The following GDPD5 variants were observed in gnomAD, a reference collection of about 807,000 sequenced individuals.
The protein encoded by GDPD5 is glycerophosphodiester phosphodiesterase domain containing 5, also known as glycerophosphodiester phosphodiesterase 2.
Under a neutral mutation model 75.1 loss-of-function variants are expected in GDPD5, and 48 were observed. The observed-to-expected ratio is 0.64, with a 90% CI of 0.51 to 0.81. The LOEUF (loss-of-function observed/expected upper bound fraction) is 0.81. Among genes scored for constraint, GDPD5 ranks in the 40% least tolerant of loss-of-function variants. GDPD5 has a pLI of 0.00. For synonymous variants in GDPD5, 336 were observed against 339.0 expected, an observed-to-expected ratio of 0.99 and a Z score of 0.10; for missense variants, 706 against 822.6, an observed-to-expected ratio of 0.86 and a Z score of 1.73.
chr11:75,441,153 C>G lies in GDPD5; in HGVS notation c.1473+10G>C, dbSNP rs761051692. 2 of 1,613,216 alleles carry G rather than the reference C, an allele frequency of 1.2e-6. No individual in the cohort carries two copies. Among genetic ancestry groups the G allele is most frequent in the Admixed American group, 3.3e-5 (2 of 60,018 alleles). On this transcript the variant is annotated intron_variant, in intron 14 of 16. Coordinates refer to ENST00000336898, the MANE Select transcript of GDPD5 (RefSeq NM_030792.8). Reference sequence around the variant, plus strand: ...ACTGCCCCCCAGGGGCCCTCTGCCCCCCAACTCACCATGATCCAGAGGGGG... The same window carrying G: ...ACTGCCCCCCAGGGGCCCTCTGCCCGCCAACTCACCATGATCCAGAGGGGG...
At chr11:75,436,429 C>T (rs1948626724) in intron 16 of GDPD5, among the ~76,000 whole-genome samples, 1 of 152,146 alleles carries the variant, frequency 6.6e-6, no homozygotes, top group South Asian at 2.1e-4. Context: ...ATCAGGCGCC[C>T]AAAGCCTTCC....
intron 4 of GDPD5, among the ~76,000 whole-genome samples, chr11:75,458,689 TAAATAAATA>T (rs1949346411): frequency 1.3e-5 from 2 of 151,446 alleles, no homozygotes; most frequent in Admixed American, 1.3e-4. Flanking sequence ...AATAAATAAA[TAAATAAATA>T]AAATAAATAA....
At chr11:75,498,157 G>A (rs1305259096) in intron 1 of GDPD5, among the ~76,000 whole-genome samples, 1 of 152,202 alleles carries the variant, frequency 6.6e-6, no homozygotes, top group East Asian at 1.9e-4. Context: ...AACATCTCTT[G>A]TGATGTCACA....
intron 14 of GDPD5, 92 bp from the exon 15 acceptor site, chr11:75,440,053 T>A (rs530506565): frequency 1.1e-6 from 1 of 926,372 alleles, no homozygotes; most frequent in Non-Finnish European, 1.7e-6. Context: ...GGACCCCACA[T>A]GGCCACTGGG....
intron 2 of GDPD5, among the ~76,000 whole-genome samples, chr11:75,487,045 G>A (rs956932266): frequency 2.0e-5 from 3 of 152,182 alleles, no homozygotes; most frequent in Non-Finnish European, 4.4e-5. Flanking sequence ...CAGGGTGAGG[G>A]CTGCAGGTGG....
At position 75,455,385 on chromosome 11, in the gene GDPD5, G is replaced by T. The variant is rs745497069; in HGVS notation, c.375+1372C>A. 7.9e-5 allele frequency: 36 copies of T among 456,530 alleles called. 1 individual carries two copies. The highest frequency in any genetic ancestry group is 3.6e-4 in the African/African-American group (18 of 50,184). 28.3% of individuals were successfully genotyped at this position (456,530 alleles called of 1,614,324 possible). Reference sequence around the variant, plus strand: ...AGTAGAGTGAGGGCAGGAGGAAGGTGGGGGGACCAGGGGCTGCTCACGGCT... The same window carrying T: ...AGTAGAGTGAGGGCAGGAGGAAGGTTGGGGGACCAGGGGCTGCTCACGGCT... On this transcript the variant is annotated intron_variant, in intron 6 of 16. Transcript: ENST00000336898.
In GDPD5 at chr11:75,477,622, T is replaced by C. The variant is rs1949806872; in HGVS notation, c.114A>G (p.Thr38=). The part of the protein sequence containing the change: ...KRYQRSHDDT[T]PWERLWFLLL... Reference sequence around the variant, plus strand: ...ACCCTGTTCCAGGGTGGCTCACCGGTGTGGTATCATCATGGGAGCGCTGGT... The same window carrying C: ...ACCCTGTTCCAGGGTGGCTCACCGGCGTGGTATCATCATGGGAGCGCTGGT... The change falls in exon 3 of 17, where the codon ACA becomes ACG. Residue 38 remains threonine (T), a synonymous_variant. Transcript: ENST00000336898. The C allele has an allele frequency of 6.4e-7, 1 of 1,573,354 alleles. No individual in the cohort carries two copies. Among genetic ancestry groups the C allele is most frequent in the Non-Finnish European group, 8.7e-7 (1 of 1,151,650 alleles).
intron 1 of GDPD5, among the ~76,000 whole-genome samples, chr11:75,502,280 T>C (rs1950316090): frequency 6.6e-6 from 1 of 152,232 alleles, no homozygotes; most frequent in South Asian, 2.1e-4. Context: ...TTCTTCTGTG[T>C]AGAATGCCTT....
chr11:75,457,849 A>T, intron 4 of GDPD5, 63 bp from the exon 5 acceptor site: 1 of 1,332,190 alleles, frequency 7.5e-7, no homozygotes, highest in Non-Finnish European at 1.1e-6. Context: ...CCCAGGAATC[A>T]GGATGGTCTG....
intron 14 of GDPD5, 30 bp downstream of exon 14, chr11:75,441,133 C>T (rs1394184143): frequency 1.1e-5 from 17 of 1,609,478 alleles, no homozygotes; most frequent in Non-Finnish European, 1.4e-5. Flanking sequence ...CCAGCACTGC[C>T]CCCCAGGGGC....
At chr11:75,470,968 C>A (rs1949648441) in intron 3 of GDPD5, among the ~76,000 whole-genome samples, 1 of 152,214 alleles carries the variant, frequency 6.6e-6, no homozygotes, top group Non-Finnish European at 1.5e-5. Context: ...CAAGCCCTCT[C>A]CCCAGTGGTT....
intron 1 of GDPD5, among the ~76,000 whole-genome samples, chr11:75,495,733 C>T (rs1376015362): frequency 2.6e-5 from 4 of 152,164 alleles, no homozygotes; most frequent in Admixed American, 6.5e-5. Context: ...TTACAATCTT[C>T]GAATATCTGA....
chr11:75,438,803 T>C (rs934624037), intron 15 of GDPD5: 3 of 157,286 alleles, frequency 1.9e-5, no homozygotes, highest in African/African-American at 7.2e-5. Flanking sequence ...AGGCTGTGTG[T>C]TGCGGGGAGC....
At chr11:75,441,437 A>C in intron 13 of GDPD5, 127 bp from the exon 14 acceptor site, 1 of 1,295,060 alleles carries the variant, frequency 7.7e-7, no homozygotes, top group Non-Finnish European at 1.1e-6. Context: ...CATTGGCTCC[A>C]GAGGGCCAAG....
chr11:75,439,105 C>T (rs947461998), intron 15 of GDPD5, among the ~76,000 whole-genome samples: 7 of 152,156 alleles, frequency 4.6e-5, no homozygotes, highest in Non-Finnish European at 1.0e-4. Flanking sequence ...AACGCTGGTC[C>T]CCACCTGCAG....
intron 4 of GDPD5, 90 bp downstream of exon 4, chr11:75,462,696 G>A: frequency 9.9e-7 from 1 of 1,008,532 alleles, no homozygotes; most frequent in Non-Finnish European, 1.5e-6. Context: ...GGCCAACCTG[G>A]GAGACAGGCT....
At chr11:75,510,158 C>G (rs1397248798) in intron 1 of GDPD5, among the ~76,000 whole-genome samples, 1 of 152,240 alleles carries the variant, frequency 6.6e-6, no homozygotes, top group Admixed American at 6.5e-5. Flanking sequence ...GGAGGGCTGT[C>G]CCCCACTCAG....
intron 1 of GDPD5, among the ~76,000 whole-genome samples, chr11:75,498,127 G>T (rs1950244445): frequency 6.6e-6 from 1 of 152,146 alleles, no homozygotes; most frequent in Non-Finnish European, 1.5e-5. Flanking sequence ...AGGCCTGAGT[G>T]GGGAGGCCAG....
At chr11:75,463,567 G>C (rs1383203237) in intron 3 of GDPD5, among the ~76,000 whole-genome samples, 3 of 152,094 alleles carry the variant, frequency 2.0e-5, no homozygotes, top group Non-Finnish European at 4.4e-5. Flanking sequence ...CCCTTATCTT[G>C]GAAGCACAAA....
Sources: allele counts gnomAD v4.1 joint callset (sites outside exome capture counted in the v4.1 genomes callset), GRCh38; gene constraint gnomAD v4.1.1; transcripts MANE v1.5; gene names NCBI Gene and HGNC (gene_info 2026-07-23, HGNC 2026-07-21).